The following DOCK3 variants were observed in gnomAD, a reference collection of about 807,000 sequenced individuals.
DOCK3 encodes dedicator of cytokinesis protein 3.
In DOCK3, 60 loss-of-function variants were observed where a neutral mutation model predicts 265.6. The ratio of observed to expected loss-of-function variants is 0.23; its 90% CI spans 0.18 to 0.28. The LOEUF (loss-of-function observed/expected upper bound fraction) is 0.28, where lower values mean the gene tolerates loss of function less well. DOCK3 is among the 10% of genes least tolerant of loss of function. The pLI is 1.00. For missense variants in DOCK3, 1,981 were observed against 2,594.3 expected (o/e 0.76, Z 5.14); for synonymous variants, 881 against 938.0 (o/e 0.94, Z 1.11).
chr3:50,997,069 C>G (rs1392369744), intron 5 of DOCK3, among the ~76,000 whole-genome samples: 1 of 152,118 alleles, frequency 6.6e-6, no homozygotes, highest in Non-Finnish European at 1.5e-5. Flanking sequence ...CTTCAGTGAC[C>G]TTTTGTGTTT....
rs149395851 is a variant in DOCK3 at position 50,866,769 on chromosome 3, A to G, written c.163-23257A>G. Among the ~76,000 whole-genome samples the G allele has an allele frequency of 6.1e-3, 922 of 150,194 alleles. 10 individuals carry two copies. Among genetic ancestry groups the G allele is most frequent in the African/African-American group, 0.02 (812 of 40,792 alleles). Reference sequence around the variant, plus strand: ...GTGTAGATTTGTTTCTGGGTTCTCTATTGTGTTCCTTTGGTGTATATGTCT... The same window carrying G: ...GTGTAGATTTGTTTCTGGGTTCTCTGTTGTGTTCCTTTGGTGTATATGTCT... On this transcript the variant is annotated intron_variant, in intron 3 of 52. Coordinates refer to ENST00000266037, the MANE Select transcript of DOCK3 (RefSeq NM_004947.5).
In DOCK3 at chr3:50,790,892, T is replaced by C. The variant is rs2042438819; in HGVS notation, c.121+12134T>C. On this transcript the variant is annotated intron_variant, in intron 2 of 52. Transcript: ENST00000266037. Reference sequence around the variant, plus strand: ...ATCAATGATACTTTTTTTCATATGCTTCTTGGCCACATGAATGTCTTTTTT... The same window carrying C: ...ATCAATGATACTTTTTTTCATATGCCTCTTGGCCACATGAATGTCTTTTTT... Among the ~76,000 whole-genome samples, 5 of 152,312 alleles carry C rather than the reference T, an allele frequency of 3.3e-5. No individual in the cohort carries two copies. In the South Asian group the frequency reaches 1.0e-3, roughly 32 times the overall value.
chr3:51,244,748 T>C lies in DOCK3; in HGVS notation c.2103-1978T>C, dbSNP rs1184325568. 5.3e-5 allele frequency among the ~76,000 whole-genome samples: 8 copies of C among 152,268 alleles called. No individual in the cohort carries two copies. In the East Asian group the frequency reaches 1.3e-3, roughly 26 times the overall value. On this transcript the variant is annotated intron_variant, in intron 21 of 52. Transcript: ENST00000266037. Reference sequence around the variant, plus strand: ...AAAGTGTCAAAAGTGAGGATTCTTATCTTATTTCTGATCTTAGAGGAAATG... The same window carrying C: ...AAAGTGTCAAAAGTGAGGATTCTTACCTTATTTCTGATCTTAGAGGAAATG...
rs1285896087 is a variant in DOCK3 at position 50,977,725 on chromosome 3, A to G, written c.315+43648A>G. 2.0e-5 allele frequency among the ~76,000 whole-genome samples: 3 copies of G among 152,206 alleles called. No homozygotes were observed. In the East Asian group the frequency reaches 5.8e-4, roughly 29 times the overall value. On this transcript the variant is annotated intron_variant, in intron 5 of 52. Transcript: ENST00000266037. ...GATTGGGGAAGTTCTCCTGGAAAAT[A>G]TCCTGCAGAGTGTTTTCCAACTTGG...
In DOCK3 at chr3:50,928,065, G is replaced by A. The variant is rs551378213; in HGVS notation, c.219-5916G>A. 3.3e-5 allele frequency among the ~76,000 whole-genome samples: 5 copies of A among 150,852 alleles called. No homozygotes were observed. In the South Asian group the frequency reaches 1.1e-3, roughly 32 times the overall value. On this transcript the variant is annotated intron_variant, in intron 4 of 52. Transcript: ENST00000266037. ...GTTTTCTTTGAATTCTTTCTAACAT[G>A]TATCCTCTCTATTGAGGTTTCCTTT...
At chr3:50,904,342 T>C (rs1002753922) in intron 4 of DOCK3, among the ~76,000 whole-genome samples, 4 of 152,220 alleles carry the variant, frequency 2.6e-5, no homozygotes, top group Non-Finnish European at 5.9e-5. Flanking sequence ...CGCTACGCTG[T>C]CTTCCATAAT....
At chr3:50,793,357 T>C (rs115450633) in intron 2 of DOCK3, among the ~76,000 whole-genome samples, 5,077 of 149,116 alleles carry the variant, frequency 0.034, 135 homozygotes, top group Non-Finnish European at 0.055. Context: ...TTTTTCTTTT[T>C]CTTTTTTTTT....
chr3:50,779,781 G>A (rs752193859), intron 2 of DOCK3, among the ~76,000 whole-genome samples: 30 of 152,302 alleles, frequency 2.0e-4, no homozygotes, highest in Middle Eastern at 3.4e-3. Flanking sequence ...GAGATGGATC[G>A]TGTTCTTCAG....
chr3:51,006,279 A>C, intron 5 of DOCK3, among the ~76,000 whole-genome samples: 1 of 131,182 alleles, frequency 7.6e-6, no homozygotes, highest in South Asian at 2.8e-4. Context: ...AGCACTTATC[A>C]CCTCTAAGTC....
At chr3:50,742,372 A>G (rs2039106036) in intron 1 of DOCK3, among the ~76,000 whole-genome samples, 1 of 152,244 alleles carries the variant, frequency 6.6e-6, no homozygotes. Flanking sequence ...TTGAGAGAAG[A>G]AGGCTTCAGA....
intron 22 of DOCK3, among the ~76,000 whole-genome samples, chr3:51,249,089 C>G (rs557728509): frequency 6.6e-6 from 1 of 150,990 alleles, no homozygotes; most frequent in Non-Finnish European, 1.5e-5. Flanking sequence ...CCACCCCGTC[C>G]GGGAGGGAGG....
chr3:50,761,198 G>A (rs993204443), intron 1 of DOCK3, among the ~76,000 whole-genome samples: 9 of 151,948 alleles, frequency 5.9e-5, no homozygotes, highest in African/African-American at 2.2e-4. Flanking sequence ...AAACAAAGCT[G>A]CAATGTTTTC....
At chr3:50,804,332 G>C (rs1341247266) in intron 2 of DOCK3, among the ~76,000 whole-genome samples, 2 of 152,194 alleles carry the variant, frequency 1.3e-5, no homozygotes, top group South Asian at 2.1e-4. Flanking sequence ...CTTCCCAGAC[G>C]GGGTGGCGGC....
At chr3:51,276,142 G>T (rs539988215) in intron 25 of DOCK3, among the ~76,000 whole-genome samples, 5 of 152,172 alleles carry the variant, frequency 3.3e-5, no homozygotes, top group African/African-American at 4.8e-5. Context: ...AGTATATTTT[G>T]TTCGAGCAGG....
chr3:51,060,213 G>C (rs2109227427), intron 5 of DOCK3, among the ~76,000 whole-genome samples: 1 of 151,790 alleles, frequency 6.6e-6, no homozygotes, highest in Non-Finnish European at 1.5e-5. Context: ...TTCCTGTAGA[G>C]GTCAGTGACA....
intron 2 of DOCK3, among the ~76,000 whole-genome samples, chr3:50,781,663 C>T (rs1188312690): frequency 6.6e-6 from 1 of 152,006 alleles, no homozygotes; most frequent in Non-Finnish European, 1.5e-5. Context: ...GGTACGTGTA[C>T]ACATTTGTTA....
intron 20 of DOCK3, 30 bp downstream of exon 20, chr3:51,236,458 A>G (rs1255046472): frequency 2.5e-6 from 4 of 1,568,906 alleles, no homozygotes; most frequent in Non-Finnish European, 3.5e-6. Context: ...CTTTACTTTT[A>G]TTAATTATTC....
At chr3:51,289,289 G>T (rs1576667153) in intron 27 of DOCK3, among the ~76,000 whole-genome samples, 1 of 152,132 alleles carries the variant, frequency 6.6e-6, no homozygotes, top group Admixed American at 6.6e-5. Flanking sequence ...TGAAGGTGGA[G>T]GGTAGGAGGA....
chr3:50,679,949 G>C (rs1163006353), intron 1 of DOCK3, among the ~76,000 whole-genome samples: 2 of 152,132 alleles, frequency 1.3e-5, no homozygotes, highest in African/African-American at 4.8e-5. Flanking sequence ...TTTTTAAACA[G>C]ATGAGAAAGA....
Sources: allele counts gnomAD v4.1 joint callset (sites outside exome capture counted in the v4.1 genomes callset), GRCh38; gene constraint gnomAD v4.1.1; transcripts MANE v1.5; gene names NCBI Gene and HGNC (gene_info 2026-07-23, HGNC 2026-07-21).